The following MEGF10 variants were observed in gnomAD, a reference collection of about 807,000 sequenced individuals.
MEGF10 encodes multiple epidermal growth factor-like domains protein 10.
Under a neutral mutation model 147.5 loss-of-function variants are expected in MEGF10, and 86 were observed. The observed-to-expected ratio is 0.58, with a 90% CI of 0.49 to 0.70. The LOEUF (loss-of-function observed/expected upper bound fraction) is 0.70. MEGF10 is among the 30% of genes least tolerant of loss of function. The probability of loss-of-function intolerance (pLI) is 0.00; values close to 1 mark genes in which losing one functional copy is unlikely to be tolerated. For missense variants in MEGF10, 1,329 were observed against 1,487.3 expected (o/e 0.89, Z 1.75); for synonymous variants, 478 against 525.5 (o/e 0.91, Z 1.24).
rs151179276 is a variant in MEGF10 at position 127,426,458 on chromosome 5, C to T, written c.1693+3686C>T. 4.9e-3 allele frequency among the ~76,000 whole-genome samples: 748 copies of T among 152,234 alleles called. 9 individuals are homozygous for T. In the Middle Eastern group the frequency reaches 0.058, roughly 12 times the overall value. On this transcript the variant is annotated intron_variant, in intron 13 of 24. Transcript: ENST00000503335. ...TTTATTGTCATTTTTAGCCAATACA[C>T]TATTTTATCAAAAAGAGGCAGATTG...
At chr5:127,328,620 C>T (rs1198521906) in intron 1 of MEGF10, among the ~76,000 whole-genome samples, 2 of 152,170 alleles carry the variant, frequency 1.3e-5, no homozygotes, top group Non-Finnish European at 2.9e-5. Flanking sequence ...CTTTCTTGTT[C>T]TGGGACTTTG....
chr5:127,325,961 T>C (rs910603791), intron 1 of MEGF10, among the ~76,000 whole-genome samples: 12 of 149,160 alleles, frequency 8.0e-5, no homozygotes, highest in Admixed American at 6.8e-4. Flanking sequence ...TGGAATGCAG[T>C]GCCACAATCA....
chr5:127,270,880 T>A, the MEGF10 span, among the ~76,000 whole-genome samples: 31 of 152,234 alleles, frequency 2.0e-4, no homozygotes, highest in African/African-American at 6.8e-4. Context: ...TCCATCCAAG[T>A]CCCTGCAAAG....
At chr5:127,230,829 A>G in the MEGF10 span, among the ~76,000 whole-genome samples, 3 of 152,314 alleles carry the variant, frequency 2.0e-5, no homozygotes, top group African/African-American at 7.2e-5. Flanking sequence ...GGGAAGCAAG[A>G]AAAACATATT....
intron 8 of MEGF10, among the ~76,000 whole-genome samples, chr5:127,403,005 G>A (rs1041920805): frequency 2.0e-5 from 3 of 152,108 alleles, no homozygotes; most frequent in African/African-American, 7.2e-5. Flanking sequence ...GTAAGTACTT[G>A]GTGATAGATT....
chr5:127,361,290 T>C (rs1762462471), intron 4 of MEGF10, among the ~76,000 whole-genome samples: 1 of 151,996 alleles, frequency 6.6e-6, no homozygotes, highest in South Asian at 2.1e-4. Context: ...CTTCATTTCA[T>C]CTAGGTTATC....
intron 1 of MEGF10, among the ~76,000 whole-genome samples, chr5:127,301,723 A>G (rs1759780834): frequency 6.6e-6 from 1 of 152,226 alleles, no homozygotes; most frequent in African/African-American, 2.4e-5. Flanking sequence ...AGATAATAGC[A>G]TATACTTCAA....
Position 127,331,112 on chromosome 5 carries a change from A to G in MEGF10, c.-18-179A>G, listed in dbSNP as rs80220399. 0.018 allele frequency among the ~76,000 whole-genome samples: 2,751 copies of G among 152,284 alleles called. 71 individuals are homozygous for G. Among genetic ancestry groups the G allele is most frequent in the East Asian group, 0.11 (577 of 5,180 alleles). On this transcript the variant is annotated intron_variant, in intron 1 of 24. Coordinates refer to ENST00000503335, the MANE Select transcript of MEGF10 (RefSeq NM_001256545.2). Reference sequence around the variant, plus strand: ...CAAAATAGTAGCCACCTTGCACAACATAAGAAACACCCCTCTCTCCTGGAC... The same window carrying G: ...CAAAATAGTAGCCACCTTGCACAACGTAAGAAACACCCCTCTCTCCTGGAC...
intron 9 of MEGF10, among the ~76,000 whole-genome samples, chr5:127,411,629 A>T (rs1764567885): frequency 6.6e-6 from 1 of 152,208 alleles, no homozygotes. Context: ...TGTATTCTCA[A>T]TATGATTCAA....
chr5:127,443,132 T>C lies in MEGF10; in HGVS notation c.2491+6T>C. 6.2e-7 allele frequency: 1 copy of C among 1,611,288 alleles called. No individual in the cohort carries two copies. Among genetic ancestry groups the C allele is most frequent in the Non-Finnish European group, 8.5e-7 (1 of 1,178,414 alleles). ...GGGAGCGAGATGTGATCAAGGTAAA[T>C]ATACTAGCTAATGTTTGTAGCACTG... On this transcript the variant is annotated splice_donor_region_variant and intron_variant, in intron 19 of 24. Coordinates refer to ENST00000503335, the MANE Select transcript of MEGF10 (RefSeq NM_001256545.2).
At chr5:127,244,062 G>C in the MEGF10 span, among the ~76,000 whole-genome samples, 1 of 151,878 alleles carries the variant, frequency 6.6e-6, no homozygotes, top group African/African-American at 2.4e-5. Flanking sequence ...TGGGCATGGT[G>C]GTGCATGCCT....
chr5:127,447,522 C>A (rs1259276132), intron 20 of MEGF10, 35 bp from the exon 21 acceptor site: 2 of 1,612,872 alleles, frequency 1.2e-6, no homozygotes, highest in Non-Finnish European at 1.7e-6. Context: ...TTTATGGGAG[C>A]CTGCTGCCTT....
Position 127,457,736 on chromosome 5 carries a change from T to C in MEGF10, c.*418T>C, listed in dbSNP as rs1396227399. The C allele has an allele frequency of 6.3e-6, 1 of 158,344 alleles. No homozygotes were observed. Among genetic ancestry groups the C allele is most frequent in the Non-Finnish European group, 1.4e-5 (1 of 71,608 alleles). 9.8% of individuals were successfully genotyped at this position (158,344 alleles called of 1,614,324 possible). A position where few individuals can be genotyped will look rare whatever the true frequency, so the allele number is the denominator to read the frequency against. On this transcript the variant is annotated 3_prime_UTR_variant, in exon 25 of 25. Transcript: ENST00000503335. ...TTGTACAGTTTACCATAAAATTTAC[T>C]TCATGAAAGTGGGAATCACTGAACA...
chr5:127,423,558 C>CTT (rs1187590767), intron 13 of MEGF10, among the ~76,000 whole-genome samples: 1 of 152,180 alleles, frequency 6.6e-6, no homozygotes, highest in Non-Finnish European at 1.5e-5. Context: ...TATTATCTGA[C>CTT]TTTTTGATTC....
chr5:127,269,127 A>G, the MEGF10 span, among the ~76,000 whole-genome samples: 3 of 152,224 alleles, frequency 2.0e-5, no homozygotes, highest in Admixed American at 1.3e-4. Context: ...ACAAAACCAC[A>G]AAGATGGGGA....
chr5:127,348,583 A>G (rs1463725286), intron 4 of MEGF10, among the ~76,000 whole-genome samples: 10 of 152,186 alleles, frequency 6.6e-5, no homozygotes, highest in Admixed American at 2.6e-4. Flanking sequence ...ACACACGTAT[A>G]TGCAATATGA....
chr5:127,325,291 A>G (rs1303242045), intron 1 of MEGF10, among the ~76,000 whole-genome samples: 1 of 152,154 alleles, frequency 6.6e-6, no homozygotes, highest in Non-Finnish European at 1.5e-5. Flanking sequence ...TTTCCTTAGT[A>G]GATTTTAAGC....
At chr5:127,302,333 A>G (rs964677913) in intron 1 of MEGF10, among the ~76,000 whole-genome samples, 8 of 152,234 alleles carry the variant, frequency 5.3e-5, no homozygotes, top group Non-Finnish European at 1.0e-4. Flanking sequence ...AACATGGATG[A>G]ACCTTAGCAA....
At chr5:127,424,125 G>A (rs75491699) in intron 13 of MEGF10, among the ~76,000 whole-genome samples, 3,194 of 152,218 alleles carry the variant, frequency 0.021, 58 homozygotes, top group Middle Eastern at 0.085. Context: ...TTGTGAAAAG[G>A]CTATTCTTTC....
Sources: allele counts gnomAD v4.1 joint callset (sites outside exome capture counted in the v4.1 genomes callset), GRCh38; gene constraint gnomAD v4.1.1; transcripts MANE v1.5; gene names NCBI Gene and HGNC (gene_info 2026-07-23, HGNC 2026-07-21).